Variants in PATJ observed in about 807,000 individuals in gnomAD.
The protein encoded by PATJ is PATJ crumbs cell polarity complex component.
A neutral mutation model predicts 224.9 loss-of-function variants in PATJ; 190 were observed. That is an observed-to-expected ratio of 0.84 (90% CI 0.75 to 0.95). PATJ has a LOEUF of 0.95. Among genes scored for constraint, PATJ ranks in the 40% least tolerant of loss-of-function variants. The probability of loss-of-function intolerance (pLI) is 0.00; values close to 1 mark genes in which losing one functional copy is unlikely to be tolerated. For missense variants in PATJ, 2,121 were observed against 2,270.3 expected, an observed-to-expected ratio of 0.93 and a Z score of 1.34; for synonymous variants, 769 against 820.3, an observed-to-expected ratio of 0.94 and a Z score of 1.07.
Position 62,144,771 on chromosome 1 carries a change from A to ATAT in PATJ, c.5272-3513_5272-3512insTAT, listed in dbSNP as rs1439255158. 6.1e-4 allele frequency among the ~76,000 whole-genome samples: 45 copies of ATAT among 73,282 alleles called. 2 individuals are homozygous for ATAT. Among genetic ancestry groups the ATAT allele is most frequent in the East Asian group, 3.7e-3 (9 of 2,406 alleles). The allele number at this position is 73,282 out of a possible 152,430, so 48.1% of individuals were successfully genotyped here. On this transcript the variant is annotated intron_variant, in intron 41 of 43. Coordinates refer to ENST00000642238, the MANE Select transcript of PATJ (RefSeq NM_001350145.3). ...ATGCTCTAGAATGTTATTTGCAAAAAAAAAAAATATATATATATATATATA... is the reference window on the plus strand; with the variant it reads ...ATGCTCTAGAATGTTATTTGCAAAAATATAAAAAAATATATATATATATATATA...
chr1:62,050,915 A>C, intron 30 of PATJ, 51 bp from the exon 31 acceptor site: 1 of 1,300,470 alleles, frequency 7.7e-7, no homozygotes, highest in Non-Finnish European at 1.1e-6. Flanking sequence ...AATTCGAGGG[A>C]GTGTAAGTGA....
At chr1:61,846,716 C>A (rs896785641) in intron 17 of PATJ, among the ~76,000 whole-genome samples, 1 of 152,148 alleles carries the variant, frequency 6.6e-6, no homozygotes. Flanking sequence ...CCTGCCTCAG[C>A]CTCGCGAGTA....
Position 61,789,046 on chromosome 1 carries a change from C to T in PATJ, c.1068+1074C>T, listed in dbSNP as rs1016724984. Reference sequence around the variant, plus strand: ...GAAATGGGCCAGATGCGGTGGCTTACGCCTCTAATGCCAGCACTTTGGGAG... The same window carrying T: ...GAAATGGGCCAGATGCGGTGGCTTATGCCTCTAATGCCAGCACTTTGGGAG... On this transcript the variant is annotated intron_variant, in intron 8 of 43. Coordinates refer to ENST00000642238, the MANE Select transcript of PATJ (RefSeq NM_001350145.3). Among the ~76,000 whole-genome samples, 7 of 152,176 alleles carry T rather than the reference C, an allele frequency of 4.6e-5. No homozygotes were observed. The East Asian group carries it at 7.7e-4, about 17-fold the overall frequency.
At chr1:61,743,372 T>G (rs781574025) in intron 1 of PATJ, among the ~76,000 whole-genome samples, 19 of 152,272 alleles carry the variant, frequency 1.2e-4, no homozygotes, top group Non-Finnish European at 5.9e-5. Context: ...CACTTTGTCA[T>G]ATTTCCAAGT....
At chr1:62,148,184 G>T in intron 41 of PATJ, 100 bp from the exon 42 acceptor site, 95 of 569,716 alleles carry the variant, frequency 1.7e-4, no homozygotes, top group East Asian at 5.0e-4. Flanking sequence ...TAGATAAATT[G>T]AATAAGATTA....
At chr1:61,779,663 A>G (rs1281394771) in intron 7 of PATJ, among the ~76,000 whole-genome samples, 3 of 152,206 alleles carry the variant, frequency 2.0e-5, no homozygotes, top group African/African-American at 4.8e-5. Flanking sequence ...TTCCCGTACT[A>G]CTTTGTAATT....
At chr1:61,987,054 ATT>A in intron 27 of PATJ, among the ~76,000 whole-genome samples, 1 of 151,842 alleles carries the variant, frequency 6.6e-6, no homozygotes, top group Admixed American at 6.6e-5. Context: ...TAGAATTATA[ATT>A]TTTATTCAAT....
At chr1:61,919,168 T>A (rs1390459748) in intron 26 of PATJ, among the ~76,000 whole-genome samples, 1 of 152,142 alleles carries the variant, frequency 6.6e-6, no homozygotes, top group Non-Finnish European at 1.5e-5. Context: ...AATTTTGTTC[T>A]CATCTTTATA....
At chr1:61,796,964 T>G (rs577206959) in intron 10 of PATJ, among the ~76,000 whole-genome samples, 5 of 152,094 alleles carry the variant, frequency 3.3e-5, no homozygotes, top group Admixed American at 6.6e-5. Context: ...CCTCCCAGGT[T>G]CAAGCGATTC....
chr1:61,961,861 C>T (rs1229982215), intron 27 of PATJ, among the ~76,000 whole-genome samples: 5 of 150,778 alleles, frequency 3.3e-5, no homozygotes, highest in Admixed American at 2.0e-4. Flanking sequence ...CCCAGCTACT[C>T]GGGAGGCTGA....
intron 34 of PATJ, among the ~76,000 whole-genome samples, chr1:62,110,985 T>A (rs1239090791): frequency 1.3e-5 from 2 of 152,234 alleles, no homozygotes; most frequent in Non-Finnish European, 2.9e-5. Context: ...CCATGATATT[T>A]CTCTCATGAT....
chr1:61,842,770 A>AAAAAGGAAAAGAAAG (rs1553176972), intron 17 of PATJ, among the ~76,000 whole-genome samples: 2 of 151,906 alleles, frequency 1.3e-5, no homozygotes, highest in Middle Eastern at 3.2e-3. Flanking sequence ...TATTAAAAAA[A>AAAAAGGAAAAGAAAG]AAAAGGAATA....
At chr1:62,093,658 T>C (rs574779432) in intron 33 of PATJ, among the ~76,000 whole-genome samples, 1 of 152,206 alleles carries the variant, frequency 6.6e-6, no homozygotes, top group Non-Finnish European at 1.5e-5. Flanking sequence ...GAATTCCAGA[T>C]TTGGACATTT....
intron 37 of PATJ, chr1:62,120,955 A>G: frequency 2.2e-6 from 1 of 449,264 alleles, no homozygotes; most frequent in Admixed American, 4.0e-5. Context: ...AACCATATAC[A>G]AAAGCACACA....
At chr1:61,952,542 G>A (rs1571473829) in intron 27 of PATJ, 2 of 672,842 alleles carry the variant, frequency 3.0e-6, no homozygotes, top group South Asian at 3.2e-5. Flanking sequence ...TTAAGTAAGA[G>A]AGCGAGGGCA....
intron 30 of PATJ, among the ~76,000 whole-genome samples, chr1:62,039,366 T>C (rs1570261804): frequency 1.3e-5 from 2 of 152,218 alleles, no homozygotes; most frequent in East Asian, 3.9e-4. Flanking sequence ...ATCCAATAAA[T>C]CTGTTTGGAG....
At chr1:61,862,976 C>T (rs530254272) in intron 19 of PATJ, among the ~76,000 whole-genome samples, 5 of 146,984 alleles carry the variant, frequency 3.4e-5, no homozygotes, top group Admixed American at 2.7e-4. Context: ...TGTTCAAATA[C>T]ATCCTCTAAC....
chr1:62,161,011 TAAA>T lies in PATJ; in HGVS notation c.5608_5610del (p.Lys1870del), dbSNP rs1669791372. 6.2e-7 allele frequency: 1 copy of T among 1,607,028 alleles called. No individual in the cohort carries two copies. ...ACTCATGAGCAAGCAGTCGCCATTC[TAAA>T]ACACCAGAGAGGGACTGTAACCTTA... On this transcript the variant is annotated inframe_deletion, in exon 44 of 44. Coordinates refer to ENST00000642238, the MANE Select transcript of PATJ (RefSeq NM_001350145.3).
intron 7 of PATJ, among the ~76,000 whole-genome samples, chr1:61,784,218 G>A (rs1233327556): frequency 2.6e-5 from 4 of 152,200 alleles, no homozygotes; most frequent in East Asian, 1.9e-4. Context: ...TGATTAGCAC[G>A]CTACGTACTT....
Sources: allele counts gnomAD v4.1 joint callset (sites outside exome capture counted in the v4.1 genomes callset), GRCh38; gene constraint gnomAD v4.1.1; transcripts MANE v1.5; gene names NCBI Gene and HGNC (gene_info 2026-07-23, HGNC 2026-07-21).